CCDC171: variants seen among roughly 807,000 people sequenced by gnomAD.
CCDC171 encodes the protein coiled-coil domain-containing protein 171.
A neutral mutation model predicts 168.2 loss-of-function variants in CCDC171; 177 were observed. That is an observed-to-expected ratio of 1.05 (90% CI 0.93 to 1.19). The LOEUF (loss-of-function observed/expected upper bound fraction) is 1.19. Ranked by LOEUF, CCDC171 falls within the 50% of genes most tolerant of loss-of-function variation. CCDC171 has a pLI of 0.00. For synonymous variants in CCDC171, 687 were observed against 540.8 expected (o/e 1.27, Z -3.75); for missense variants, 1,991 against 1,539.0 (o/e 1.29, Z -4.91).
chr9:15,816,633 T>A (rs187706221), intron 21 of CCDC171, among the ~76,000 whole-genome samples: 2 of 117,106 alleles, frequency 1.7e-5, no homozygotes, highest in African/African-American at 3.2e-5. Context: ...GTGGTAGGAG[T>A]AAAGAGAGGT....
At chr9:15,641,263 C>T (rs1274912850) in intron 7 of CCDC171, among the ~76,000 whole-genome samples, 2 of 152,192 alleles carry the variant, frequency 1.3e-5, no homozygotes, top group Non-Finnish European at 2.9e-5. Flanking sequence ...CTGAGGAAAT[C>T]ATTAACTAGT....
intron 24 of CCDC171, among the ~76,000 whole-genome samples, chr9:15,894,346 GGAT>G (rs1820615644): frequency 6.6e-6 from 1 of 151,890 alleles, no homozygotes; most frequent in Non-Finnish European, 1.5e-5. Flanking sequence ...CTAGGTGATG[GGAT>G]GATCTGCGCA....
At chr9:15,703,909 A>G (rs1205753784) in intron 11 of CCDC171, among the ~76,000 whole-genome samples, 1 of 152,232 alleles carries the variant, frequency 6.6e-6, no homozygotes, top group Non-Finnish European at 1.5e-5. Flanking sequence ...CAATTACAAT[A>G]ATAACATTAA....
At chr9:15,922,218 A>C (rs1475493921) in intron 25 of CCDC171, 2 of 354,024 alleles carry the variant, frequency 5.6e-6, no homozygotes, top group Non-Finnish European at 1.2e-5. Flanking sequence ...CTTTTAGGAG[A>C]ATGCTGCCCA....
chr9:15,676,662 C>T (rs968413172), intron 9 of CCDC171, among the ~76,000 whole-genome samples: 1 of 151,952 alleles, frequency 6.6e-6, no homozygotes, highest in Non-Finnish European at 1.5e-5. Flanking sequence ...GTGCCTTATT[C>T]TTTATTTGAT....
intron 25 of CCDC171, among the ~76,000 whole-genome samples, chr9:15,935,221 G>A (rs991760126): frequency 6.6e-6 from 1 of 152,116 alleles, no homozygotes; most frequent in South Asian, 2.1e-4. Flanking sequence ...TGTAGGATAG[G>A]CAGGTAGATT....
Position 15,971,799 on chromosome 9 carries a change from C to T in CCDC171, c.3944C>T (p.Ser1315Phe). The T allele has an allele frequency of 1.2e-6, 2 of 1,613,946 alleles. No individual in the cohort carries two copies. Among genetic ancestry groups the T allele is most frequent in the East Asian group, 2.2e-5 (1 of 44,854 alleles). The change falls in exon 26 of 26, where the codon TCT (serine) becomes TTT (phenylalanine). Residue 1315 changes from serine to phenylalanine, a missense_variant. Transcript: ENST00000380701. ...TCTCACTCCTCTCCAGTGACTATGT[C>T]TGCTAATGCCAACAGACCAACTCAG... ...TSSHSSPVTM[S>F]ANANRPTQIG... is the part of the protein sequence containing the mutation.
upstream of CCDC171, among the ~76,000 whole-genome samples, chr9:16,042,425 A>G (rs1833587731): frequency 6.6e-6 from 1 of 152,208 alleles, no homozygotes; most frequent in Non-Finnish European, 1.5e-5. Flanking sequence ...GGGTAGGACC[A>G]GCTTCAGGAA....
At chr9:15,568,345 G>A (rs1417861328) in intron 2 of CCDC171, among the ~76,000 whole-genome samples, 1 of 146,370 alleles carries the variant, frequency 6.8e-6, no homozygotes, top group Non-Finnish European at 1.5e-5. Context: ...ATCTTGGCTC[G>A]CTGCAAGCTC....
intron 3 of CCDC171, among the ~76,000 whole-genome samples, chr9:15,983,491 TG>T (rs1214127740): frequency 7.2e-6 from 1 of 138,860 alleles, no homozygotes; most frequent in African/African-American, 2.5e-5. Context: ...TGTGTGTGTG[TG>T]TGTGTGTGTG....
chr9:15,852,925 A>G (rs2061195558), intron 23 of CCDC171, among the ~76,000 whole-genome samples: 1 of 151,632 alleles, frequency 6.6e-6, no homozygotes, highest in African/African-American at 2.4e-5. Context: ...CTGGACTCTC[A>G]ATTCTGTTCC....
chr9:15,916,871 C>T (rs1824599255), intron 24 of CCDC171, among the ~76,000 whole-genome samples: 1 of 151,914 alleles, frequency 6.6e-6, no homozygotes, highest in Non-Finnish European at 1.5e-5. Context: ...CATATACTAA[C>T]CGAGTCTCAC....
intron 6 of CCDC171, among the ~76,000 whole-genome samples, chr9:15,616,076 G>T (rs931658734): frequency 6.6e-6 from 1 of 152,042 alleles, no homozygotes; most frequent in African/African-American, 2.4e-5. Flanking sequence ...TCAGCCTCCC[G>T]AATAGCTGGG....
chr9:15,747,281 G>A (rs2055363782), intron 18 of CCDC171, among the ~76,000 whole-genome samples: 1 of 152,192 alleles, frequency 6.6e-6, no homozygotes, highest in Non-Finnish European at 1.5e-5. Flanking sequence ...TCATCTTCCT[G>A]GGACAGAGCC....
Position 15,695,318 on chromosome 9 carries a change from G to T in CCDC171, c.1299G>T (p.Val433=). 1.2e-6 allele frequency: 2 copies of T among 1,613,726 alleles called. No homozygotes were observed. Among genetic ancestry groups the T allele is most frequent in the African/African-American group, 2.7e-5 (2 of 75,052 alleles). Residue 433 remains valine (V), a synonymous_variant, in exon 11 of 26, where the codon GTG becomes GTT. Transcript: ENST00000380701. ...ELESILDSFT[V]SGQWTSGIHK... ...AATCGATCTTGGACAGCTTTACTGT[G>T]TCGGGCCAGTGGACATCAGGTTAGT...
At chr9:15,655,832 G>A (rs867756567) in intron 7 of CCDC171, among the ~76,000 whole-genome samples, 1 of 152,146 alleles carries the variant, frequency 6.6e-6, no homozygotes, top group African/African-American at 2.4e-5. Flanking sequence ...AGTCATTGGG[G>A]CAATGCAAAT....
chr9:15,557,510 A>G (rs2038909797), intron 1 of CCDC171, among the ~76,000 whole-genome samples: 2 of 152,114 alleles, frequency 1.3e-5, no homozygotes, highest in Non-Finnish European at 2.9e-5. Flanking sequence ...GCAATTGGGA[A>G]TGGGAATTCA....
intron 3 of CCDC171, among the ~76,000 whole-genome samples, chr9:16,004,128 G>C (rs1046586641): frequency 9.9e-5 from 15 of 152,196 alleles, no homozygotes; most frequent in Non-Finnish European, 2.1e-4. Flanking sequence ...GGCTATCTGA[G>C]ATATGATGGG....
chr9:15,916,579 C>G (rs1248806249), intron 24 of CCDC171, among the ~76,000 whole-genome samples: 1 of 151,866 alleles, frequency 6.6e-6, no homozygotes, highest in Non-Finnish European at 1.5e-5. Flanking sequence ...ATATCAGTCC[C>G]CCAACTATCC....
Sources: allele counts gnomAD v4.1 joint callset (sites outside exome capture counted in the v4.1 genomes callset), GRCh38; gene constraint gnomAD v4.1.1; transcripts MANE v1.5; gene names NCBI Gene and HGNC (gene_info 2026-07-23, HGNC 2026-07-21).